The following NRG1 variants were observed in gnomAD, a reference collection of about 807,000 sequenced individuals.
The protein encoded by NRG1 is neuregulin 1.
Under a neutral mutation model 63.8 loss-of-function variants are expected in NRG1, and 18 were observed. The observed-to-expected ratio is 0.28, with a 90% CI of 0.19 to 0.42. NRG1 has a LOEUF of 0.42. Ranked by LOEUF, NRG1 falls within the 10% of genes least tolerant of loss-of-function variation. The probability of loss-of-function intolerance (pLI) is 1.00; values close to 1 mark genes in which losing one functional copy is unlikely to be tolerated. For missense variants in NRG1, 762 were observed against 814.7 expected, an observed-to-expected ratio of 0.94 and a Z score of 0.79; for synonymous variants, 302 against 301.3, an observed-to-expected ratio of 1.00 and a Z score of -0.02.
chr8:32,594,377 A>AC lies in NRG1; in HGVS notation c.101-1451_101-1450insC, dbSNP rs1843006244. Among the ~76,000 whole-genome samples the AC allele has an allele frequency of 2.6e-5, 4 of 152,196 alleles. No individual in the cohort carries two copies. In the South Asian group the frequency reaches 8.3e-4, roughly 32 times the overall value. ...CTGGCTTTTCTGAGACTCAGGAAAC[A>AC]GAATTGTGGAATTCTCAGGTTCTGT... On this transcript the variant is annotated intron_variant, in intron 1 of 11. Coordinates refer to ENST00000356819, the Ensembl canonical transcript of NRG1.
At chr8:32,418,982 T>C (rs1816318720) in intron 1 of NRG1, among the ~76,000 whole-genome samples, 1 of 152,226 alleles carries the variant, frequency 6.6e-6, no homozygotes, top group Admixed American at 6.5e-5. Context: ...AATGTAATCA[T>C]ACTTCTTGTT....
intron 1 of NRG1, among the ~76,000 whole-genome samples, chr8:32,277,033 A>G (rs1852181198): frequency 6.6e-6 from 1 of 152,174 alleles, no homozygotes; most frequent in Non-Finnish European, 1.5e-5. Flanking sequence ...ATCACATCTG[A>G]TATGCGTGAT....
Position 31,977,815 on chromosome 8 carries a change from G to A in NRG1, c.37+338384G>A, listed in dbSNP as rs1184455145. Among the ~76,000 whole-genome samples, 3 of 152,012 alleles carry A rather than the reference G, an allele frequency of 2.0e-5. No individual in the cohort carries two copies. In the East Asian group the frequency reaches 5.8e-4, roughly 29 times the overall value. On this transcript the variant is annotated intron_variant, in intron 1 of 10. Coordinates refer to the NRG1 transcript ENST00000519301. ...AACAACAGATTCAATTCTGTGTAGGGACCATTTCTTCATTTATTCTTTATT... is the reference window on the plus strand; with the variant it reads ...AACAACAGATTCAATTCTGTGTAGGAACCATTTCTTCATTTATTCTTTATT...
rs36074483 is a variant in NRG1, at chr8:31,648,124, C to CTTTTTTTTT, written c.37+8712_37+8720dup. On this transcript the variant is annotated intron_variant, in intron 1 of 10. Transcript: ENST00000519301. ...TTCTGTCTTTACAAATTTGACTACT[C>CTTTTTTTTT]TTTTTTTTTTTTTTTTTTTTTTTTT... Among the ~76,000 whole-genome samples the CTTTTTTTTT allele has an allele frequency of 3.2e-3, 162 of 51,312 alleles. 35 individuals are homozygous for CTTTTTTTTT. The highest frequency in any genetic ancestry group is 0.014 in the African/African-American group (154 of 10,814). 33.7% of individuals were successfully genotyped at this position (51,312 alleles called of 152,430 possible).
At chr8:32,220,095 C>T (rs549854491) in intron 1 of NRG1, among the ~76,000 whole-genome samples, 2 of 151,970 alleles carry the variant, frequency 1.3e-5, no homozygotes, top group Admixed American at 6.6e-5. Flanking sequence ...CGGGGGTGCT[C>T]TTAAATGCAT....
At chr8:32,259,549 C>A (rs1850128720) in intron 1 of NRG1, among the ~76,000 whole-genome samples, 1 of 152,092 alleles carries the variant, frequency 6.6e-6, no homozygotes, top group South Asian at 2.1e-4. Context: ...TATAAATTGC[C>A]CAGTTGATGG....
intron 1 of NRG1, among the ~76,000 whole-genome samples, chr8:32,261,283 T>C (rs1186142204): frequency 6.6e-6 from 1 of 152,008 alleles, no homozygotes; most frequent in East Asian, 1.9e-4. Flanking sequence ...CAGATCTAAT[T>C]CAGAATAACA....
intron 1 of NRG1, among the ~76,000 whole-genome samples, chr8:32,396,085 T>C (rs1812405220): frequency 6.6e-6 from 1 of 152,232 alleles, no homozygotes; most frequent in African/African-American, 2.4e-5. Flanking sequence ...GATCTATATA[T>C]ACTTATCCTT....
At chr8:32,412,423 C>CATATATATATATATATATATATATACAT (rs1815133059) in intron 1 of NRG1, among the ~76,000 whole-genome samples, 5 of 93,040 alleles carry the variant, frequency 5.4e-5, no homozygotes, top group South Asian at 3.6e-4. Flanking sequence ...TCTCTCTCTA[C>CATATATATATATATATATATATATACAT]ATATATATAT....
chr8:32,426,553 T>C (rs998256511), intron 1 of NRG1, among the ~76,000 whole-genome samples: 2 of 152,168 alleles, frequency 1.3e-5, no homozygotes, highest in Non-Finnish European at 2.9e-5. Flanking sequence ...GTAGTAGACA[T>C]TCTCCTAGGA....
intron 1 of NRG1, among the ~76,000 whole-genome samples, chr8:31,804,129 T>C (rs571804136): frequency 6.6e-6 from 1 of 152,354 alleles, no homozygotes; most frequent in South Asian, 2.1e-4. Flanking sequence ...GAGGTCTTGA[T>C]GTCTTTTCCA....
chr8:31,835,932 T>C (rs1047892872), intron 1 of NRG1, among the ~76,000 whole-genome samples: 1 of 152,196 alleles, frequency 6.6e-6, no homozygotes, highest in African/African-American at 2.4e-5. Flanking sequence ...ACTTGAGATA[T>C]GGATGATGAA....
At chr8:32,241,670 G>A (rs191560024) in intron 1 of NRG1, among the ~76,000 whole-genome samples, 1 of 152,158 alleles carries the variant, frequency 6.6e-6, no homozygotes, top group East Asian at 1.9e-4. Context: ...AGGGTTCATT[G>A]TTACAGTTTT....
chr8:32,431,186 C>T (rs1035893221), intron 1 of NRG1, among the ~76,000 whole-genome samples: 10 of 152,240 alleles, frequency 6.6e-5, no homozygotes, highest in Admixed American at 3.9e-4. Context: ...GATTCTAGAG[C>T]GTATGTTCTA....
intron 1 of NRG1, among the ~76,000 whole-genome samples, chr8:32,077,144 A>G (rs949223823): frequency 6.6e-6 from 1 of 152,206 alleles, no homozygotes; most frequent in Non-Finnish European, 1.5e-5. Flanking sequence ...AGGCAGGTGG[A>G]TCACCAGAGT....
intron 5 of NRG1, among the ~76,000 whole-genome samples, chr8:32,641,164 T>G (rs932069349): frequency 6.7e-6 from 1 of 149,414 alleles, no homozygotes; most frequent in Non-Finnish European, 1.5e-5. Context: ...TATATATATA[T>G]AAATATATTT....
At chr8:32,193,239 G>T (rs1419989783) in intron 1 of NRG1, among the ~76,000 whole-genome samples, 1 of 152,026 alleles carries the variant, frequency 6.6e-6, no homozygotes, top group Non-Finnish European at 1.5e-5. Context: ...ACACAGTGCA[G>T]CAGTAGTGAC....
chr8:32,685,460 C>G (rs1279278371), intron 5 of NRG1, among the ~76,000 whole-genome samples: 1 of 152,160 alleles, frequency 6.6e-6, no homozygotes, highest in Non-Finnish European at 1.5e-5. Flanking sequence ...TCCCTCCACA[C>G]TCCTACCTCC....
chr8:31,740,382 T>G (rs1815140489), intron 1 of NRG1, among the ~76,000 whole-genome samples: 1 of 152,068 alleles, frequency 6.6e-6, no homozygotes, highest in Non-Finnish European at 1.5e-5. Flanking sequence ...AAGGGATTCT[T>G]CAAGTAAGCC....
Sources: gnomAD v4.1 joint callset for allele counts (sites outside exome capture counted in the v4.1 genomes callset) on GRCh38, gnomAD v4.1.1 for gene constraint, MANE v1.5 for transcripts, NCBI Gene and HGNC (gene_info 2026-07-23, HGNC 2026-07-21) for gene names.